The following ZNF407 variants were observed in gnomAD, a reference collection of about 807,000 sequenced individuals.
The protein encoded by ZNF407 is zinc finger protein 407.
ZNF407 carries 17 observed loss-of-function variants against 131.2 expected under a neutral mutation model. The observed-to-expected ratio is 0.13, with a 90% CI of 0.09 to 0.19. ZNF407 has a LOEUF of 0.19. Among genes scored for constraint, ZNF407 ranks in the 10% least tolerant of loss-of-function variants. The pLI is 1.00. For synonymous variants in ZNF407, 1,156 were observed against 1,062.0 expected (o/e 1.09, Z -1.72); for missense variants, 2,681 against 2,830.6 (o/e 0.95, Z 1.20).
intron 1 of ZNF407, among the ~76,000 whole-genome samples, chr18:74,613,403 A>G (rs999725736): frequency 2.3e-4 from 35 of 152,220 alleles, no homozygotes; most frequent in African/African-American, 8.4e-4. Context: ...CTAGAAGTCA[A>G]ATTACCTCTC....
At chr18:74,844,622 T>A (rs1352622911) in intron 4 of ZNF407, among the ~76,000 whole-genome samples, 1 of 152,110 alleles carries the variant, frequency 6.6e-6, no homozygotes, top group Non-Finnish European at 1.5e-5. Context: ...TTATAAGAAA[T>A]ATTGAAAACA....
intron 3 of ZNF407, among the ~76,000 whole-genome samples, chr18:74,700,862 A>T (rs1440233684): frequency 2.0e-5 from 3 of 152,128 alleles, no homozygotes; most frequent in African/African-American, 7.2e-5. Context: ...ATTGGAGCGT[A>T]TTTATTAGTA....
intron 3 of ZNF407, among the ~76,000 whole-genome samples, chr18:74,645,113 C>G (rs1057370464): frequency 7.1e-6 from 1 of 141,376 alleles, no homozygotes; most frequent in Non-Finnish European, 1.5e-5. Flanking sequence ...CCCACTCATT[C>G]ATGTGTTGAT....
At position 74,631,509 on chromosome 18, in the gene ZNF407, A is replaced by G. The variant is rs74861823; in HGVS notation, c.490A>G (p.Arg164Gly). The G allele has an allele frequency of 5.6e-4, 911 of 1,613,966 alleles. 5 individuals carry two copies. The African/African-American group carries it at 9.5e-3, about 17-fold the overall frequency. The change falls in exon 2 of 9, where the codon AGA becomes GGA. Residue 164 changes from arginine to glycine, a missense_variant. Arg to Gly is a moderately radical substitution (Grantham distance 125, BLOSUM62 -2). Transcript: ENST00000299687. ...GGAAATGGTTTCCCTTGATCTGGAA[A>G]GAGAATCTCCTTTCCCCCCGAAAGA... ...AQEMVSLDLE[R>G]ESPFPPKEIS...
chr18:74,903,312 T>C (rs1017125400), intron 7 of ZNF407, among the ~76,000 whole-genome samples: 12 of 152,244 alleles, frequency 7.9e-5, no homozygotes, highest in African/African-American at 2.9e-4. Flanking sequence ...ATTATTCATA[T>C]ATGCACACAT....
intron 7 of ZNF407, among the ~76,000 whole-genome samples, chr18:74,915,347 T>G (rs1055695892): frequency 1.4e-5 from 2 of 145,894 alleles, no homozygotes; most frequent in Non-Finnish European, 3.0e-5. Context: ...TGTGTGTGTG[T>G]GTGTGCATGT....
intron 4 of ZNF407, among the ~76,000 whole-genome samples, chr18:74,820,939 A>C (rs1029404293): frequency 8.5e-5 from 13 of 152,074 alleles, no homozygotes; most frequent in Admixed American, 4.6e-4. Context: ...CGTCTGGCTG[A>C]GGGGCACATG....
Position 74,920,586 on chromosome 18 carries a change from C to T in ZNF407, c.5322C>T (p.Asn1774=). The T allele has an allele frequency of 6.2e-7, 1 of 1,606,854 alleles. No homozygotes were observed. Among genetic ancestry groups the T allele is most frequent in the Non-Finnish European group, 8.5e-7 (1 of 1,174,532 alleles). The stretch of plus-strand genomic sequence containing the variant: ...AACATGAAGGAGTCAAGATGTACAA[C>T]TGTCCCAAGTGTGACTACGGGACCA... ...TGKHEGVKMY[N]CPKCDYGTNV... Residue 1774 remains asparagine, a synonymous_variant, in exon 8 of 9, where the codon AAC becomes AAT. Transcript: ENST00000299687.
intron 3 of ZNF407, among the ~76,000 whole-genome samples, chr18:74,645,346 T>A (rs566551344): frequency 6.6e-6 from 1 of 152,190 alleles, no homozygotes; most frequent in Admixed American, 6.5e-5. Context: ...ATAACCAAGT[T>A]TGATATGCCA....
chr18:74,918,491 C>T (rs542213331), intron 7 of ZNF407, among the ~76,000 whole-genome samples: 1 of 152,294 alleles, frequency 6.6e-6, no homozygotes, highest in South Asian at 2.1e-4. Flanking sequence ...TTTATTTCCT[C>T]TTACAGTGAT....
At chr18:74,701,437 T>C (rs534469146) in intron 3 of ZNF407, among the ~76,000 whole-genome samples, 1 of 152,318 alleles carries the variant, frequency 6.6e-6, no homozygotes, top group African/African-American at 2.4e-5. Context: ...CGACTACCTA[T>C]AAGTTTAGCT....
intron 8 of ZNF407, among the ~76,000 whole-genome samples, chr18:74,951,793 G>A (rs1972217211): frequency 6.6e-6 from 1 of 151,518 alleles, no homozygotes; most frequent in South Asian, 2.1e-4. Context: ...TAAATGAAAA[G>A]TAAAATAAGA....
At chr18:74,945,078 G>T (rs998130409) in intron 8 of ZNF407, among the ~76,000 whole-genome samples, 1 of 152,114 alleles carries the variant, frequency 6.6e-6, no homozygotes, top group African/African-American at 2.4e-5. Flanking sequence ...ATTTCCAGTA[G>T]TTAACAGGTG....
At chr18:74,768,041 T>C (rs1969281666) in intron 3 of ZNF407, among the ~76,000 whole-genome samples, 1 of 152,122 alleles carries the variant, frequency 6.6e-6, no homozygotes, top group African/African-American at 2.4e-5. Flanking sequence ...GTATGGTGGG[T>C]ACCTTCAATT....
chr18:74,875,802 TAAA>T, intron 4 of ZNF407, among the ~76,000 whole-genome samples: 1 of 152,322 alleles, frequency 6.6e-6, no homozygotes, highest in Non-Finnish European at 1.5e-5. Flanking sequence ...TATAGATAAA[TAAA>T]TTGGCAATTT....
Position 74,786,804 on chromosome 18 carries a change from T to G in ZNF407, c.4877+5302T>G, listed in dbSNP as rs1254876983. Among the ~76,000 whole-genome samples, 8 of 134,486 alleles carry G rather than the reference T, an allele frequency of 5.9e-5. 1 individual carries two copies. The South Asian group carries it at 2.1e-3, about 35-fold the overall frequency. 88.2% of individuals were successfully genotyped at this position (134,486 alleles called of 152,430 possible). A position where few individuals can be genotyped will look rare whatever the true frequency, so the allele number is the denominator to read the frequency against. On this transcript the variant is annotated intron_variant, in intron 4 of 8. Transcript: ENST00000299687. ...ATGTAAAAAAGTATGTTTTTTTTTT[T>G]TTTTTTTTTTTTTTTTTGGAGATGG...
chr18:74,969,434 AC>A lies in ZNF407; in HGVS notation c.5428+48744del, dbSNP rs543579560. ...TCCCTTGTTTAGATTTAGCATGTGG[AC>A]CATAGCCTAATGTTATGGGCCATGG... On this transcript the variant is annotated intron_variant, in intron 8 of 8. Coordinates refer to ENST00000299687, the MANE Select transcript of ZNF407 (RefSeq NM_017757.3). 3.5e-3 allele frequency among the ~76,000 whole-genome samples: 529 copies of A among 152,208 alleles called. 3 individuals are homozygous for A. Among genetic ancestry groups the A allele is most frequent in the African/African-American group, 0.011 (446 of 41,530 alleles).
intron 8 of ZNF407, among the ~76,000 whole-genome samples, chr18:75,023,685 A>G (rs930046643): frequency 6.6e-6 from 1 of 152,166 alleles, no homozygotes; most frequent in African/African-American, 2.4e-5. Context: ...TTCTCTAATT[A>G]TAGTTGTGAA....
intron 3 of ZNF407, among the ~76,000 whole-genome samples, chr18:74,704,632 C>T (rs1007783785): frequency 1.3e-5 from 2 of 152,142 alleles, no homozygotes; most frequent in Non-Finnish European, 2.9e-5. Context: ...AAAACAATGT[C>T]GGCATGGAAA....
Sources: gnomAD v4.1 joint callset for allele counts (sites outside exome capture counted in the v4.1 genomes callset) on GRCh38, gnomAD v4.1.1 for gene constraint, MANE v1.5 for transcripts, NCBI Gene and HGNC (gene_info 2026-07-23, HGNC 2026-07-21) for gene names.